HTR3A: variants seen among roughly 807,000 people sequenced by gnomAD.
HTR3A encodes the protein 5-hydroxytryptamine receptor 3A.
In HTR3A, 45 loss-of-function variants were observed where a neutral mutation model predicts 54.8. The ratio of observed to expected loss-of-function variants is 0.82; its 90% confidence interval spans 0.65 to 1.05. The LOEUF (loss-of-function observed/expected upper bound fraction) is 1.05. HTR3A is among the 50% of genes least tolerant of loss of function. The pLI is 0.00. For synonymous variants in HTR3A, 297 were observed against 256.0 expected, an observed-to-expected ratio of 1.16 and a Z score of -1.53; for missense variants, 657 against 614.0, an observed-to-expected ratio of 1.07 and a Z score of -0.74.
At chr11:113,983,741 T>C (rs1386939120) in intron 5 of HTR3A, among the ~76,000 whole-genome samples, 1 of 152,194 alleles carries the variant, frequency 6.6e-6, no homozygotes, top group Non-Finnish European at 1.5e-5. Flanking sequence ...CAGATCCATT[T>C]ATTTCACTTC....
At chr11:113,976,387 G>T (rs1156822588) in intron 1 of HTR3A, among the ~76,000 whole-genome samples, 1 of 152,050 alleles carries the variant, frequency 6.6e-6, no homozygotes, top group Non-Finnish European at 1.5e-5. Flanking sequence ...GCTCTTGCTG[G>T]TGTAGTAAAG....
chr11:113,983,035 C>G, intron 4 of HTR3A, 85 bp from the exon 5 acceptor site: 1 of 1,519,180 alleles, frequency 6.6e-7, no homozygotes, highest in Non-Finnish European at 9.1e-7. Flanking sequence ...AACTTCACTC[C>G]CTACCCAGTT....
chr11:113,989,264 G>A lies in HTR3A; in HGVS notation c.1139-201G>A, dbSNP rs185188121. On this transcript the variant is annotated intron_variant, in intron 8 of 8. Coordinates refer to ENST00000504030, the MANE Select transcript of HTR3A (RefSeq NM_000869.6). The surrounding 1 kb of genome is among the most constrained non-coding windows in gnomAD (Gnocchi z 4.4). Reference sequence around the variant, plus strand: ...TGTAATCCCAGCTACTTGGGAGGTTGAGGCAGGAGAATTGCTTGAACTCGG... The same window carrying A: ...TGTAATCCCAGCTACTTGGGAGGTTAAGGCAGGAGAATTGCTTGAACTCGG... 9.8e-4 allele frequency among the ~76,000 whole-genome samples: 149 copies of A among 152,084 alleles called. No homozygotes were observed. The East Asian group carries it at 0.012, about 12-fold the overall frequency.
rs1348705994 is a variant in HTR3A, at chr11:113,986,575, T to A, written c.763T>A (p.Phe255Ile). The A allele has an allele frequency of 6.2e-7, 1 of 1,613,440 alleles. No individual in the cohort carries two copies. The highest frequency in any genetic ancestry group is 2.2e-5 in the East Asian group (1 of 44,860). ...YVVSLLLPSIFLMVMDIVGFY... is the reference protein window; with the variant it reads ...YVVSLLLPSIILMVMDIVGFY... The stretch of plus-strand genomic sequence containing the variant: ...GGTCAGCCTGCTACTGCCCAGCATC[T>A]TCCTCATGGTCATGGACATCGTGGG... Residue 255 changes from phenylalanine to isoleucine, a missense_variant, in exon 7 of 9, where the codon TTC (phenylalanine) becomes ATC (isoleucine). Physicochemically the swap from Phe to Ile is conservative, Grantham distance 21. Transcript: ENST00000504030.
chr11:113,984,496 G>T (rs931359023), intron 5 of HTR3A, among the ~76,000 whole-genome samples: 5 of 152,060 alleles, frequency 3.3e-5, no homozygotes, highest in African/African-American at 1.2e-4. Flanking sequence ...ATGATTTCTC[G>T]CCCACCTTTA....
At chr11:113,982,130 G>C (rs1950428616) in intron 4 of HTR3A, among the ~76,000 whole-genome samples, 1 of 152,118 alleles carries the variant, frequency 6.6e-6, no homozygotes, top group African/African-American at 2.4e-5. Flanking sequence ...CTTTACTCCT[G>C]GCAGCCAAAC....
rs937059531 is a variant in HTR3A at position 113,981,191 on chromosome 11, C to A, written c.265-12C>A. 6.4e-7 allele frequency: 1 copy of A among 1,556,652 alleles called. No homozygotes were observed. The highest frequency in any genetic ancestry group is 8.9e-7 in the Non-Finnish European group (1 of 1,127,730). On this transcript the variant is annotated splice_polypyrimidine_tract_variant and intron_variant, in intron 3 of 8. Coordinates refer to ENST00000504030, the MANE Select transcript of HTR3A (RefSeq NM_000869.6). ...AGGGGGCTGCCTGTGACCATCCCTG[C>A]TCCTCCCCTAGTACTGGACTGATGA... is the stretch of plus-strand genomic sequence containing the variant.
At chr11:113,977,357 T>TG in intron 1 of HTR3A, 1 of 600,620 alleles carries the variant, frequency 1.7e-6, no homozygotes, top group South Asian at 2.1e-5. Flanking sequence ...ATTGTGCACT[T>TG]GGGGTCATGC....
chr11:113,987,427 A>C (rs1950506433), intron 8 of HTR3A, among the ~76,000 whole-genome samples: 1 of 152,116 alleles, frequency 6.6e-6, no homozygotes, highest in Admixed American at 6.5e-5. Context: ...GGGGTTTCTA[A>C]AACTCTTATA....
rs1985242 is a variant in HTR3A, at chr11:113,977,551, A to C, written c.68-220A>C. ...AAGCCAGATCTCTGCTTTCCTGTCA[A>C]TGAATGCATAGGTCCTTTCTACAAG... On this transcript the variant is annotated intron_variant, in intron 1 of 8. Transcript: ENST00000504030. 32 of 1,549,840 alleles carry C rather than the reference A, an allele frequency of 2.1e-5. No individual in the cohort carries two copies. In the African/African-American group the frequency reaches 3.6e-4, roughly 17 times the overall value.
intron 8 of HTR3A, among the ~76,000 whole-genome samples, chr11:113,988,483 C>G (rs1320774207): frequency 6.6e-6 from 1 of 152,230 alleles, no homozygotes; most frequent in African/African-American, 2.4e-5. Flanking sequence ...GAATAGTTGG[C>G]TGGGCACAGT....
rs536905468 is a variant in HTR3A at position 113,980,430 on chromosome 11, ACG to A, written c.265-771_265-770del. On this transcript the variant is annotated intron_variant, in intron 3 of 8. Coordinates refer to ENST00000504030, the MANE Select transcript of HTR3A (RefSeq NM_000869.6). ...TGCTAACTATGGGAGCACAGAGGAG[ACG>A]CATGTCACCCAGCCTGGGGTGTGGG... Among the ~76,000 whole-genome samples, 322 of 152,334 alleles carry A rather than the reference ACG, an allele frequency of 2.1e-3. 1 individual carries two copies. The highest frequency in any genetic ancestry group is 7.5e-3 in the African/African-American group (312 of 41,576).
chr11:113,977,671 G>A, intron 1 of HTR3A, 100 bp from the exon 2 acceptor site: 11 of 1,524,518 alleles, frequency 7.2e-6, no homozygotes, highest in Non-Finnish European at 8.0e-6. Flanking sequence ...AGGTGGGGAT[G>A]GTGGGGATAC....
chr11:113,987,164 G>A (rs1150220), intron 8 of HTR3A, 118 bp downstream of exon 8: 196,136 of 1,073,514 alleles, frequency 0.18, 19,216 homozygotes, highest in Non-Finnish European at 0.19. Context: ...GGCATCCCAT[G>A]CCCTGCCTTA....
intron 8 of HTR3A, among the ~76,000 whole-genome samples, chr11:113,988,702 T>G (rs1591607653): frequency 6.6e-6 from 1 of 152,116 alleles, no homozygotes; most frequent in African/African-American, 2.4e-5. Context: ...AGGCAGAGGT[T>G]GCAGTGAGCT....
In HTR3A at chr11:113,989,564, T is replaced by C; in HGVS notation, c.1238T>C (p.Leu413Pro). ...CCCCCACCACCTCGGGAGGCCTCGC[T>C]GGCGGTGTGTGGGCTGCTGCAGGAG... Reference protein sequence around the residue: ...SPPPPPREASLAVCGLLQELS... With the variant: ...SPPPPPREASPAVCGLLQELS... The change falls in exon 9 of 9, where the codon CTG (leucine) becomes CCG (proline). Residue 413 changes from leucine to proline, a missense_variant. Physicochemically the swap from Leu to Pro is moderately conservative, Grantham distance 98 (BLOSUM62 -3). Coordinates refer to ENST00000504030, the MANE Select transcript of HTR3A (RefSeq NM_000869.6). The surrounding 1 kb of genome is among the most constrained non-coding windows in gnomAD (Gnocchi z 4.4). The C allele has an allele frequency of 6.2e-7, 1 of 1,614,186 alleles. No homozygotes were observed. Among genetic ancestry groups the C allele is most frequent in the Non-Finnish European group, 8.5e-7 (1 of 1,180,038 alleles).
In HTR3A at chr11:113,986,613, C is replaced by A; in HGVS notation, c.801C>A (p.Pro267=). The change falls in exon 7 of 9, where the codon CCC becomes CCA. Residue 267 remains proline (P), a synonymous_variant. Transcript: ENST00000504030. ...MVMDIVGFYL[P]PNSGERVSFK... The stretch of plus-strand genomic sequence containing the variant: ...TGGACATCGTGGGCTTCTACCTGCC[C>A]CCCAACAGTGGCGAGAGGGTCTCTT... 1 of 1,613,818 alleles carries A rather than the reference C, an allele frequency of 6.2e-7. No homozygotes were observed. The highest frequency in any genetic ancestry group is 8.5e-7 in the Non-Finnish European group (1 of 1,180,026).
Position 113,986,713 on chromosome 11 carries a change from G to C in HTR3A, c.901G>C (p.Gly301Arg). ...VSDTLPATAI[G>R]TPLIGVYFVV... ...TGACACGCTGCCGGCCACTGCCATCGGCACTCCTCTCATTGGTAAGGCCCC... is the reference window on the plus strand; with the variant it reads ...TGACACGCTGCCGGCCACTGCCATCCGCACTCCTCTCATTGGTAAGGCCCC... Residue 301 changes from glycine (G) to arginine (R), a missense_variant, in exon 7 of 9, where the codon GGC (glycine) becomes CGC (arginine). Gly to Arg is a moderately radical substitution (Grantham distance 125). Transcript: ENST00000504030. 1 of 1,614,084 alleles carries C rather than the reference G, an allele frequency of 6.2e-7. No individual in the cohort carries two copies. The highest frequency in any genetic ancestry group is 1.1e-5 in the South Asian group (1 of 91,076).
Position 113,984,616 on chromosome 11 carries a change from G to A in HTR3A, c.544+1327G>A, listed in dbSNP as rs552076872. ...GGGCTGGTGAAATGCACACCACCCT[G>A]TTGCAAGAAGGCATCCCCCAGGCCG... On this transcript the variant is annotated intron_variant, in intron 5 of 8. Coordinates refer to ENST00000504030, the MANE Select transcript of HTR3A (RefSeq NM_000869.6). 3.3e-5 allele frequency among the ~76,000 whole-genome samples: 5 copies of A among 152,260 alleles called. No homozygotes were observed. The East Asian group carries it at 7.7e-4, about 24-fold the overall frequency.
Sources: gnomAD v4.1 joint callset for allele counts (sites outside exome capture counted in the v4.1 genomes callset) on GRCh38, gnomAD v4.1.1 for gene constraint, Gnocchi (gnomAD v3.1) non-coding constraint, MANE v1.5 for transcripts, NCBI Gene and HGNC (gene_info 2026-07-23, HGNC 2026-07-21) for gene names.